The following MGAT4C variants were observed in gnomAD, a reference collection of about 807,000 sequenced individuals.
The protein encoded by MGAT4C is alpha-1,3-mannosyl-glycoprotein 4-beta-N-acetylglucosaminyltransferase C.
A neutral mutation model predicts 40.1 loss-of-function variants in MGAT4C; 19 were observed. That is an observed-to-expected ratio of 0.47 (90% confidence interval 0.33 to 0.70). MGAT4C has a LOEUF of 0.70. Among genes scored for constraint, MGAT4C ranks in the 30% least tolerant of loss-of-function variants. The pLI is 0.02. For synonymous variants in MGAT4C, 181 were observed against 187.1 expected, an observed-to-expected ratio of 0.97 and a Z score of 0.27; for missense variants, 491 against 563.2, an observed-to-expected ratio of 0.87 and a Z score of 1.30.
chr12:86,322,625 T>C (rs537939579), intron 4 of MGAT4C, among the ~76,000 whole-genome samples: 1 of 152,228 alleles, frequency 6.6e-6, no homozygotes, highest in East Asian at 1.9e-4. Context: ...CATCTGCTGG[T>C]AGAGCTGTCA....
At chr12:86,505,193 A>C (rs1208533872) in intron 2 of MGAT4C, among the ~76,000 whole-genome samples, 2 of 151,528 alleles carry the variant, frequency 1.3e-5, no homozygotes, top group African/African-American at 2.4e-5. Context: ...CTTCATGACT[A>C]CTCTCAATTG....
At chr12:86,534,835 T>C (rs1412648895) in intron 2 of MGAT4C, among the ~76,000 whole-genome samples, 1 of 152,114 alleles carries the variant, frequency 6.6e-6, no homozygotes, top group African/African-American at 2.4e-5. Context: ...GTGTAGGAGC[T>C]CTGGGTTTTG....
intron 2 of MGAT4C, among the ~76,000 whole-genome samples, chr12:86,654,903 A>C (rs1355017190): frequency 6.6e-6 from 1 of 152,038 alleles, no homozygotes. Flanking sequence ...GGAAGGAAGG[A>C]CCATTATTGA....
intron 2 of MGAT4C, among the ~76,000 whole-genome samples, chr12:86,633,381 T>A (rs1234490113): frequency 1.3e-5 from 2 of 152,122 alleles, no homozygotes; most frequent in Non-Finnish European, 2.9e-5. Flanking sequence ...CATGAGAAAC[T>A]GCCTTTTGTT....
intron 2 of MGAT4C, among the ~76,000 whole-genome samples, chr12:85,999,780 A>G (rs927354157): frequency 6.6e-6 from 1 of 152,174 alleles, no homozygotes; most frequent in African/African-American, 2.4e-5. Context: ...ACAGGAAAAC[A>G]AAGACTGCAT....
chr12:86,621,887 A>T (rs899543420), intron 2 of MGAT4C, among the ~76,000 whole-genome samples: 1 of 152,292 alleles, frequency 6.6e-6, no homozygotes, highest in East Asian at 1.9e-4. Context: ...CAGGCTGGTG[A>T]TATGCAGTAT....
At chr12:86,624,562 A>T (rs1962739998) in intron 2 of MGAT4C, among the ~76,000 whole-genome samples, 1 of 152,160 alleles carries the variant, frequency 6.6e-6, no homozygotes, top group Admixed American at 6.6e-5. Context: ...TAAAACAGTG[A>T]CTTTAAGAAA....
intron 2 of MGAT4C, among the ~76,000 whole-genome samples, chr12:86,615,009 G>C (rs1343443387): frequency 2.0e-5 from 3 of 151,724 alleles, no homozygotes; most frequent in African/African-American, 7.3e-5. Flanking sequence ...ATATCATCTT[G>C]TTTATATAAA....
intron 2 of MGAT4C, among the ~76,000 whole-genome samples, chr12:85,991,206 C>G (rs1885886425): frequency 6.6e-6 from 1 of 152,190 alleles, no homozygotes; most frequent in South Asian, 2.1e-4. Flanking sequence ...TTGATCCACC[C>G]TCTTCTCAGC....
chr12:86,602,188 C>T (rs570002228), intron 2 of MGAT4C, among the ~76,000 whole-genome samples: 1 of 152,032 alleles, frequency 6.6e-6, no homozygotes, highest in Non-Finnish European at 1.5e-5. Flanking sequence ...GGTGTGGGAT[C>T]CGGGCTGGTA....
intron 3 of MGAT4C, among the ~76,000 whole-genome samples, chr12:86,413,388 C>T (rs1024491391): frequency 6.6e-6 from 1 of 152,070 alleles, no homozygotes; most frequent in African/African-American, 2.4e-5. Flanking sequence ...GGTAAGATGC[C>T]TAATAAACTG....
At position 86,345,043 on chromosome 12, in the gene MGAT4C, CTTTT is replaced by C. The variant is rs975520979; in HGVS notation, c.-119-10920_-119-10917del. Among the ~76,000 whole-genome samples, 354 of 151,316 alleles carry C rather than the reference CTTTT, an allele frequency of 2.3e-3. 1 individual carries two copies. The highest frequency in any genetic ancestry group is 7.9e-3 in the African/African-American group (328 of 41,320). Reference sequence around the variant, plus strand: ...TTATGCATGATGTTTTAATGTGTTCCTTTTTTATTTTAAAATTTTAACACAAAAT... The same window carrying C: ...TTATGCATGATGTTTTAATGTGTTCCTTATTTTAAAATTTTAACACAAAAT... On this transcript the variant is annotated intron_variant, in intron 3 of 7. Coordinates refer to the MGAT4C transcript ENST00000548651.
chr12:86,571,504 T>C (rs1960362582), intron 2 of MGAT4C, among the ~76,000 whole-genome samples: 1 of 152,148 alleles, frequency 6.6e-6, no homozygotes, highest in Admixed American at 6.6e-5. Context: ...TTTAAAGTAC[T>C]GCAATTGTTT....
chr12:86,235,237 C>T (rs1256654862), intron 1 of MGAT4C, among the ~76,000 whole-genome samples: 2 of 152,130 alleles, frequency 1.3e-5, no homozygotes, highest in African/African-American at 4.8e-5. Flanking sequence ...TCTTCTTCTT[C>T]CCCATGCTAT....
intron 2 of MGAT4C, among the ~76,000 whole-genome samples, chr12:86,656,280 G>C (rs554058206): frequency 2.6e-5 from 4 of 151,822 alleles, no homozygotes; most frequent in Non-Finnish European, 5.9e-5. Context: ...TAAGTTGAAA[G>C]AGTATTTCAA....
At chr12:86,341,961 G>C (rs1378354942) in intron 3 of MGAT4C, among the ~76,000 whole-genome samples, 1 of 152,150 alleles carries the variant, frequency 6.6e-6, no homozygotes. Context: ...AGGTGACAGA[G>C]GGCTGAAGTG....
intron 2 of MGAT4C, among the ~76,000 whole-genome samples, chr12:86,525,330 A>C (rs1278612404): frequency 6.6e-6 from 1 of 152,124 alleles, no homozygotes; most frequent in African/African-American, 2.4e-5. Flanking sequence ...CATGATTGTA[A>C]GTTTCCTGAG....
chr12:86,657,879 A>C (rs1963888716), intron 2 of MGAT4C, among the ~76,000 whole-genome samples: 1 of 151,872 alleles, frequency 6.6e-6, no homozygotes, highest in African/African-American at 2.4e-5. Flanking sequence ...ATAACCTAAA[A>C]ACAGTGGTTC....
At chr12:86,278,178 C>CTTTTTTTTT (rs57981698) in intron 4 of MGAT4C, among the ~76,000 whole-genome samples, 3 of 99,932 alleles carry the variant, frequency 3.0e-5, no homozygotes, top group Non-Finnish European at 5.7e-5. Context: ...TGTTGACTTC[C>CTTTTTTTTT]TTTTTTTTTT....
Sources: gnomAD v4.1 joint callset for allele counts (sites outside exome capture counted in the v4.1 genomes callset) on GRCh38, gnomAD v4.1.1 for gene constraint, MANE v1.5 for transcripts, NCBI Gene and HGNC (gene_info 2026-07-23, HGNC 2026-07-21) for gene names.